Variants in NAV2 observed in about 807,000 individuals in gnomAD.
NAV2 encodes the protein helicase, APC down-regulated 1.
NAV2 carries 54 observed loss-of-function variants against 223.2 expected under a neutral mutation model. That is an observed-to-expected ratio of 0.24 (90% confidence interval 0.19 to 0.30). The LOEUF (loss-of-function observed/expected upper bound fraction) is 0.30, where lower values mean the gene tolerates loss of function less well. Ranked by LOEUF, NAV2 falls within the 10% of genes least tolerant of loss-of-function variation. The pLI, the probability that NAV2 is intolerant of heterozygous loss-of-function variation, is 1.00. For synonymous variants in NAV2, 1,279 were observed against 1,239.3 expected (o/e 1.03, Z -0.67); for missense variants, 2,806 against 3,147.5 (o/e 0.89, Z 2.60).
At chr11:20,038,741 G>A (rs2056634696) in intron 12 of NAV2, among the ~76,000 whole-genome samples, 1 of 152,178 alleles carries the variant, frequency 6.6e-6, no homozygotes, top group South Asian at 2.1e-4. Flanking sequence ...CAAGGCGTGG[G>A]GAGGCAGGGA....
intron 1 of NAV2, among the ~76,000 whole-genome samples, chr11:19,660,962 G>T (rs2048261301): frequency 6.6e-6 from 1 of 152,070 alleles, no homozygotes; most frequent in African/African-American, 2.4e-5. Context: ...ATTTACCATT[G>T]TAATCATTTT....
chr11:19,629,399 G>T (rs2047276337), intron 1 of NAV2, among the ~76,000 whole-genome samples: 1 of 152,118 alleles, frequency 6.6e-6, no homozygotes, highest in African/African-American at 2.4e-5. Flanking sequence ...TCTCTGGAAA[G>T]GAATTGTGCC....
intron 10 of NAV2, among the ~76,000 whole-genome samples, chr11:19,965,307 C>T (rs1341117447): frequency 6.6e-6 from 1 of 152,144 alleles, no homozygotes; most frequent in Non-Finnish European, 1.5e-5. Flanking sequence ...TCAGGACTTT[C>T]ACTGAAGCTG....
chr11:19,546,155 A>G lies in NAV2; in HGVS notation c.75+195128A>G, dbSNP rs867410284. Among the ~76,000 whole-genome samples the G allele has an allele frequency of 6.6e-5, 10 of 152,304 alleles. 1 individual carries two copies. In the Middle Eastern group the frequency reaches 0.017, roughly 259 times the overall value. The stretch of plus-strand genomic sequence containing the variant: ...AACTGTGCTCAAACAGGCATAGGAG[A>G]CAAGTATGTAGATATTTTCTTGAAA... On this transcript the variant is annotated intron_variant, in intron 1 of 37. Transcript: ENST00000360655.
intron 1 of NAV2, among the ~76,000 whole-genome samples, chr11:19,407,221 A>G (rs1488060714): frequency 2.0e-5 from 3 of 152,206 alleles, no homozygotes; most frequent in Admixed American, 1.3e-4. Context: ...AGGGTACTGG[A>G]AAGACCACAA....
intron 1 of NAV2, among the ~76,000 whole-genome samples, chr11:19,620,562 G>C (rs947604401): frequency 6.6e-6 from 1 of 152,080 alleles, no homozygotes; most frequent in Non-Finnish European, 1.5e-5. Flanking sequence ...CCCTCTGTTT[G>C]TCTGTTGTTG....
intron 1 of NAV2, among the ~76,000 whole-genome samples, chr11:19,561,473 T>C (rs184931388): frequency 2.6e-4 from 40 of 152,314 alleles, no homozygotes; most frequent in African/African-American, 8.9e-4. Flanking sequence ...CAAAGGCCAC[T>C]TGAACTTGAC....
At chr11:19,473,147 G>C (rs2042014604) in intron 1 of NAV2, among the ~76,000 whole-genome samples, 1 of 152,212 alleles carries the variant, frequency 6.6e-6, no homozygotes, top group Non-Finnish European at 1.5e-5. Context: ...GGTGGCCAGA[G>C]CCAACTGAAG....
At chr11:19,941,869 G>A (rs188689405) in intron 8 of NAV2, among the ~76,000 whole-genome samples, 17 of 151,880 alleles carry the variant, frequency 1.1e-4, no homozygotes, top group Middle Eastern at 3.4e-3. Context: ...ATATAATTCA[G>A]CCTTCTGAAG....
At position 19,778,077 on chromosome 11, in the gene NAV2, T is replaced by C. The variant is rs1326755105; in HGVS notation, c.268-54407T>C. On this transcript the variant is annotated intron_variant, in intron 1 of 37. Transcript: ENST00000349880. The stretch of plus-strand genomic sequence containing the variant: ...GAACCATCCAGGGTGCAGGTACTTT[T>C]TCCCTCCTCCGTTTTCAAAAATAAC... 6 of 423,538 alleles carry C rather than the reference T, an allele frequency of 1.4e-5. No homozygotes were observed. The East Asian group carries it at 3.6e-4, about 25-fold the overall frequency. 26.2% of individuals were successfully genotyped at this position (423,538 alleles called of 1,614,324 possible).
chr11:19,598,627 C>G (rs939574275), intron 1 of NAV2, among the ~76,000 whole-genome samples: 1 of 152,044 alleles, frequency 6.6e-6, no homozygotes, highest in African/African-American at 2.4e-5. Flanking sequence ...TTACTATCAG[C>G]CCTCATTTGC....
intron 1 of NAV2, among the ~76,000 whole-genome samples, chr11:19,390,204 C>T (rs866611224): frequency 5.9e-5 from 9 of 152,114 alleles, no homozygotes; most frequent in Admixed American, 2.0e-4. Context: ...TGGACTGATG[C>T]TGTGATGATT....
intron 1 of NAV2, among the ~76,000 whole-genome samples, chr11:19,440,168 C>T (rs545352926): frequency 7.2e-5 from 11 of 152,238 alleles, no homozygotes; most frequent in Admixed American, 2.6e-4. Flanking sequence ...ACCAGATGGA[C>T]GTGGTTGCTG....
chr11:20,000,450 G>T (rs562768525), intron 11 of NAV2, among the ~76,000 whole-genome samples: 6 of 152,298 alleles, frequency 3.9e-5, no homozygotes, highest in Non-Finnish European at 7.4e-5. Context: ...GAAGCTGCCT[G>T]GGGGAGGGCC....
intron 1 of NAV2, among the ~76,000 whole-genome samples, chr11:19,513,669 G>T (rs909967225): frequency 3.3e-5 from 5 of 152,222 alleles, no homozygotes; most frequent in African/African-American, 1.2e-4. Context: ...AAAAACCTAT[G>T]TTGAAGTCCT....
intron 1 of NAV2, among the ~76,000 whole-genome samples, chr11:19,449,532 C>T (rs556316559): frequency 6.6e-6 from 1 of 151,410 alleles, no homozygotes; most frequent in African/African-American, 2.4e-5. Flanking sequence ...CATACCTCCT[C>T]AGGCAGGGAC....
At chr11:19,482,710 T>A (rs908371322) in intron 1 of NAV2, among the ~76,000 whole-genome samples, 3 of 152,154 alleles carry the variant, frequency 2.0e-5, no homozygotes, top group Admixed American at 6.5e-5. Context: ...GGATGGGCAG[T>A]GGCATGGAGG....
chr11:19,621,798 CT>C (rs1362359039), intron 1 of NAV2, among the ~76,000 whole-genome samples: 1 of 152,112 alleles, frequency 6.6e-6, no homozygotes, highest in Non-Finnish European at 1.5e-5. Context: ...CTTCTGGTAG[CT>C]TTTGAATTTG....
chr11:19,940,503 A>G (rs2046318327), intron 8 of NAV2, among the ~76,000 whole-genome samples: 2 of 152,198 alleles, frequency 1.3e-5, no homozygotes, highest in Admixed American at 1.3e-4. Context: ...TCTGTGTCCC[A>G]AGCTCCAGCA....
Sources: allele counts gnomAD v4.1 joint callset (sites outside exome capture counted in the v4.1 genomes callset), GRCh38; gene constraint gnomAD v4.1.1; transcripts MANE v1.5; gene names NCBI Gene and HGNC (gene_info 2026-07-23, HGNC 2026-07-21).